Variants in NTNG1 observed in about 807,000 individuals in gnomAD.
NTNG1 encodes netrin-G1.
Under a neutral mutation model 54.0 loss-of-function variants are expected in NTNG1, and 16 were observed. The ratio of observed to expected loss-of-function variants is 0.30; its 90% CI spans 0.20 to 0.45. NTNG1 has a LOEUF of 0.45. Ranked by LOEUF, NTNG1 falls within the 20% of genes least tolerant of loss-of-function variation. The probability of loss-of-function intolerance (pLI) is 1.00; values close to 1 mark genes in which losing one functional copy is unlikely to be tolerated. For synonymous variants in NTNG1, 255 were observed against 263.1 expected (o/e 0.97, Z 0.30); for missense variants, 530 against 678.7 (o/e 0.78, Z 2.43).
intron 3 of NTNG1, among the ~76,000 whole-genome samples, chr1:107,362,006 CCCTG>C (rs1670330171): frequency 1.3e-5 from 2 of 152,024 alleles, no homozygotes; most frequent in African/African-American, 4.8e-5. Context: ...GAAGGGAGAG[CCCTG>C]AACAACATTG....
intron 3 of NTNG1, among the ~76,000 whole-genome samples, chr1:107,390,316 T>C (rs1672285785): frequency 6.6e-6 from 1 of 152,202 alleles, no homozygotes; most frequent in African/African-American, 2.4e-5. Context: ...AGGGTGGCCA[T>C]CCTTGCATGA....
chr1:107,292,933 A>T (rs1328959659), intron 2 of NTNG1, among the ~76,000 whole-genome samples: 1 of 151,698 alleles, frequency 6.6e-6, no homozygotes, highest in African/African-American at 2.4e-5. Context: ...ACTTTTTAAT[A>T]AACTTCCACT....
chr1:107,476,915 C>G (rs1249126947), intron 7 of NTNG1, among the ~76,000 whole-genome samples: 1 of 152,206 alleles, frequency 6.6e-6, no homozygotes, highest in African/African-American at 2.4e-5. Context: ...AGTTGGGCTT[C>G]AGGCAGAAAA....
rs148485434 is a variant in NTNG1 at position 107,264,781 on chromosome 1, G to A, written c.247-59501G>A. On this transcript the variant is annotated intron_variant, in intron 2 of 7. Transcript: ENST00000370068. The stretch of plus-strand genomic sequence containing the variant: ...CCCATCTGTGGTTAGTGAGAACTGA[G>A]GCAGAAGCTGAGTCCACCCTTCAGT... Among the ~76,000 whole-genome samples the A allele has an allele frequency of 9.4e-4, 143 of 152,230 alleles. 1 individual carries two copies. The highest frequency in any genetic ancestry group is 3.4e-3 in the Middle Eastern group (1 of 290).
At chr1:107,306,471 C>A (rs1018323337) in intron 2 of NTNG1, among the ~76,000 whole-genome samples, 3 of 152,166 alleles carry the variant, frequency 2.0e-5, no homozygotes, top group African/African-American at 7.2e-5. Flanking sequence ...GAAGTGGAGG[C>A]CAGGCGTGGC....
chr1:107,272,047 C>T (rs1276983296), intron 2 of NTNG1, among the ~76,000 whole-genome samples: 1 of 152,022 alleles, frequency 6.6e-6, no homozygotes, highest in African/African-American at 2.4e-5. Context: ...TTTTAAAAGT[C>T]AAATGGAAAT....
intron 2 of NTNG1, among the ~76,000 whole-genome samples, chr1:107,200,402 TAAAC>T (rs1335799743): frequency 3.3e-5 from 5 of 151,830 alleles, no homozygotes; most frequent in Non-Finnish European, 5.9e-5. Context: ...TGGTTGAACT[TAAAC>T]AGTCTGTGTT....
chr1:107,365,707 A>G (rs1395280186), intron 3 of NTNG1, among the ~76,000 whole-genome samples: 2 of 152,168 alleles, frequency 1.3e-5, no homozygotes, highest in Non-Finnish European at 2.9e-5. Flanking sequence ...TGTAACAACT[A>G]CTTAACATAA....
intron 7 of NTNG1, among the ~76,000 whole-genome samples, chr1:107,464,071 C>T (rs1052708286): frequency 5.3e-5 from 8 of 152,090 alleles, no homozygotes; most frequent in African/African-American, 1.7e-4. Flanking sequence ...GCCCTTAATT[C>T]AATATCCTTT....
At chr1:107,349,472 T>C (rs1669467759) in intron 3 of NTNG1, among the ~76,000 whole-genome samples, 2 of 152,150 alleles carry the variant, frequency 1.3e-5, no homozygotes, top group Admixed American at 1.3e-4. Flanking sequence ...TACCCACCTG[T>C]GAACCCACCA....
chr1:107,219,014 C>T (rs1286296804), intron 2 of NTNG1, among the ~76,000 whole-genome samples: 2 of 152,024 alleles, frequency 1.3e-5, no homozygotes, highest in Non-Finnish European at 2.9e-5. Flanking sequence ...AAAACTCTGA[C>T]TTTTAGACTT....
chr1:107,455,604 G>T, intron 7 of NTNG1: 1 of 495,994 alleles, frequency 2.0e-6, no homozygotes. Context: ...ACCACAAAGT[G>T]ACTCTACTCC....
chr1:107,193,954 C>T (rs1023619850), intron 2 of NTNG1, among the ~76,000 whole-genome samples: 4 of 151,952 alleles, frequency 2.6e-5, no homozygotes, highest in Admixed American at 2.0e-4. Context: ...ATCCAGACTC[C>T]TTAACCCTTT....
intron 2 of NTNG1, among the ~76,000 whole-genome samples, chr1:107,168,801 A>T (rs1480529726): frequency 6.6e-6 from 1 of 152,296 alleles, no homozygotes; most frequent in African/African-American, 2.4e-5. Context: ...CTGCAGAAAC[A>T]TCTCAAAATA....
At position 107,166,747 on chromosome 1, in the gene NTNG1, A is replaced by G. The variant is rs1207710514; in HGVS notation, c.246+17908A>G. On this transcript the variant is annotated intron_variant, in intron 2 of 7. Transcript: ENST00000370068. Reference sequence around the variant, plus strand: ...CAATTGACTGTGAAACCAAAAGTACAAGAAAAAGTCACTCTTAATAACATA... The same window carrying G: ...CAATTGACTGTGAAACCAAAAGTACGAGAAAAAGTCACTCTTAATAACATA... Among the ~76,000 whole-genome samples the G allele has an allele frequency of 3.9e-5, 6 of 152,112 alleles. No homozygotes were observed. The East Asian group carries it at 1.2e-3, about 29-fold the overall frequency.
chr1:107,302,641 G>T (rs1459556326), intron 2 of NTNG1, among the ~76,000 whole-genome samples: 1 of 150,004 alleles, frequency 6.7e-6, no homozygotes, highest in East Asian at 1.9e-4. Flanking sequence ...TAGTACAGTT[G>T]AAAAATAATA....
chr1:107,405,740 T>C (rs1342544533), intron 4 of NTNG1, among the ~76,000 whole-genome samples: 1 of 152,120 alleles, frequency 6.6e-6, no homozygotes, highest in African/African-American at 2.4e-5. Flanking sequence ...TTCTCTTTGA[T>C]GGATTACAAC....
Position 107,148,758 on chromosome 1 carries a change from G to A in NTNG1, c.165G>A (p.Thr55=), listed in dbSNP as rs201567511. Residue 55 remains threonine (T), a synonymous_variant, in exon 2 of 8, where the codon ACG becomes ACA. Coordinates refer to ENST00000370068, the MANE Select transcript of NTNG1 (RefSeq NM_001113226.3). The part of the protein sequence containing the change: ...WDYMACQPES[T]DMTKYLKVKL... ...ACATGGCCTGCCAGCCGGAATCCAC[G>A]GACATGACAAAATATCTGAAAGTGA... The A allele has an allele frequency of 8.7e-6, 14 of 1,613,502 alleles. No individual in the cohort carries two copies. The highest frequency in any genetic ancestry group is 3.3e-5 in the Admixed American group (2 of 59,958).
At chr1:107,142,767 A>G in intron 1 of NTNG1, among the ~76,000 whole-genome samples, 1 of 138,004 alleles carries the variant, frequency 7.2e-6, no homozygotes, top group East Asian at 2.0e-4. Flanking sequence ...TCCAAAAAAT[A>G]ATTTTTTTTT....
Sources: allele counts gnomAD v4.1 joint callset (sites outside exome capture counted in the v4.1 genomes callset), GRCh38; gene constraint gnomAD v4.1.1; transcripts MANE v1.5; gene names NCBI Gene and HGNC (gene_info 2026-07-23, HGNC 2026-07-21).